The following SLC16A7 variants were observed in gnomAD, a reference collection of about 807,000 sequenced individuals.
SLC16A7 encodes the protein monocarboxylate transporter 2.
SLC16A7 carries 33 observed loss-of-function variants against 34.9 expected under a neutral mutation model. The observed-to-expected ratio is 0.94, with a 90% confidence interval of 0.72 to 1.26. SLC16A7 has a LOEUF of 1.26. Ranked by LOEUF, SLC16A7 falls within the 50% of genes most tolerant of loss-of-function variation. The pLI is 0.00. For missense variants in SLC16A7, 573 were observed against 578.1 expected (o/e 0.99, Z 0.09); for synonymous variants, 201 against 206.6 (o/e 0.97, Z 0.23).
chr12:59,779,746 T>C lies in SLC16A7; in HGVS notation c.*67T>C. On this transcript the variant is annotated 3_prime_UTR_variant, in exon 6 of 6. Coordinates refer to ENST00000547379, the MANE Select transcript of SLC16A7 (RefSeq NM_001270623.2). ...AGGAGTTTGTTTTTCATTTTGTTTT[T>C]TTAAAGTATTAGAAAAGGTTTTAGC... The C allele has an allele frequency of 7.5e-7, 1 of 1,326,602 alleles. No individual in the cohort carries two copies. Among genetic ancestry groups the C allele is most frequent in the Non-Finnish European group, 1.0e-6 (1 of 970,458 alleles). The allele number at this position is 1,326,602 out of a possible 1,614,324, so 82.2% of individuals were successfully genotyped here. A position where few individuals can be genotyped will look rare whatever the true frequency, so the allele number is the denominator to read the frequency against.
chr12:59,762,806 G>C (rs1881158800), intron 3 of SLC16A7, among the ~76,000 whole-genome samples: 1 of 143,244 alleles, frequency 7.0e-6, no homozygotes, highest in Non-Finnish European at 1.5e-5. Context: ...TCAGCATAAT[G>C]AGACCACATC....
At chr12:59,770,991 A>G (rs1882167735) in intron 3 of SLC16A7, among the ~76,000 whole-genome samples, 1 of 150,238 alleles carries the variant, frequency 6.7e-6, no homozygotes, top group South Asian at 2.1e-4. Flanking sequence ...TATGTTCAAC[A>G]CTTCTAATTT....
intron 2 of SLC16A7, among the ~76,000 whole-genome samples, chr12:59,685,622 C>T (rs956768156): frequency 2.0e-5 from 3 of 151,966 alleles, no homozygotes; most frequent in Admixed American, 1.3e-4. Context: ...ACCTGCTAGT[C>T]GTATAGTATA....
At chr12:59,765,158 C>T (rs894896249) in intron 3 of SLC16A7, among the ~76,000 whole-genome samples, 35 of 152,186 alleles carry the variant, frequency 2.3e-4, no homozygotes, top group South Asian at 8.3e-4. Flanking sequence ...TCATATCCTT[C>T]GCCCACTTTT....
Position 59,779,656 on chromosome 12 carries a change from T to G in SLC16A7, c.1414T>G (p.Ser472Ala). The G allele has an allele frequency of 1.2e-6, 2 of 1,609,284 alleles. No individual in the cohort carries two copies. The highest frequency in any genetic ancestry group is 1.7e-6 in the Non-Finnish European group (2 of 1,177,126). The change falls in exon 6 of 6, where the codon TCA becomes GCA. Residue 472 changes from serine (S) to alanine (A), a missense_variant. Physicochemically the swap from Ser to Ala is moderately conservative, Grantham distance 99. Coordinates refer to ENST00000547379, the MANE Select transcript of SLC16A7 (RefSeq NM_001270623.2). ...VKVSNAQSVTSERETNI is the reference protein window; with the variant it reads ...VKVSNAQSVTAERETNI The stretch of plus-strand genomic sequence containing the variant: ...AGTTTCAAATGCACAGAGTGTAACC[T>G]CAGAAAGAGAAACTAACATTTAACA...
At chr12:59,736,989 C>G (rs913627193) in intron 3 of SLC16A7, among the ~76,000 whole-genome samples, 1 of 152,218 alleles carries the variant, frequency 6.6e-6, no homozygotes, top group Non-Finnish European at 1.5e-5. Context: ...CTGAGGTCTT[C>G]TCTGACTGAC....
intron 3 of SLC16A7, among the ~76,000 whole-genome samples, chr12:59,758,379 C>T (rs1186538186): frequency 6.6e-6 from 1 of 151,974 alleles, no homozygotes; most frequent in Non-Finnish European, 1.5e-5. Context: ...ACTTCCTCTA[C>T]AAAGGAAGAT....
chr12:59,603,989 A>T (rs1247099329), intron 1 of SLC16A7, among the ~76,000 whole-genome samples: 1 of 152,206 alleles, frequency 6.6e-6, no homozygotes, highest in East Asian at 1.9e-4. Context: ...TTTGAATGAC[A>T]TACTCTACCA....
chr12:59,714,547 C>T (rs1030779442), intron 3 of SLC16A7, among the ~76,000 whole-genome samples: 1 of 149,072 alleles, frequency 6.7e-6, no homozygotes, highest in East Asian at 2.0e-4. Context: ...CCCCTGGTGT[C>T]TTTCTCTCTC....
At chr12:59,756,429 A>G (rs1880354819) in intron 3 of SLC16A7, among the ~76,000 whole-genome samples, 1 of 151,906 alleles carries the variant, frequency 6.6e-6, no homozygotes, top group South Asian at 2.1e-4. Flanking sequence ...AAACAACCCC[A>G]TCAAAAAGTG....
In SLC16A7 at chr12:59,783,653, C is replaced by CTTTCT. The variant is rs1555185047; in HGVS notation, c.*3977_*3978insCTTTT. 2.8e-5 allele frequency: 4 copies of CTTTCT among 140,594 alleles called. 1 individual carries two copies. The highest frequency in any genetic ancestry group is 7.5e-3 in the Middle Eastern group (2 of 268). The allele number at this position is 140,594 out of a possible 1,614,324, so 8.7% of individuals were successfully genotyped here. ...GAATATGTAATTTCTTTCTTTCTTT[C>CTTTCT]TTTTTTTTTTTTTTTGAGACTGAGT... On this transcript the variant is annotated 3_prime_UTR_variant, in exon 6 of 6. Coordinates refer to ENST00000547379, the MANE Select transcript of SLC16A7 (RefSeq NM_001270623.2).
chr12:59,724,458 T>C (rs2137216425), intron 3 of SLC16A7, among the ~76,000 whole-genome samples: 1 of 152,096 alleles, frequency 6.6e-6, no homozygotes, highest in South Asian at 2.1e-4. Flanking sequence ...TAATCTGCTG[T>C]ATTACTTCAA....
rs1243990475 is a variant in SLC16A7, at chr12:59,789,756, T to C, written c.*10077T>C. ...CAGGTCTGTGCTGTTTCTTAGAAAG[T>C]ACATGCATATATATTTCTATAATAT... On this transcript the variant is annotated 3_prime_UTR_variant, in exon 6 of 6. Transcript: ENST00000547379. 6.6e-6 allele frequency: 1 copy of C among 152,120 alleles called. No homozygotes were observed. Among genetic ancestry groups the C allele is most frequent in the Non-Finnish European group, 1.5e-5 (1 of 68,002 alleles). 9.4% of individuals were successfully genotyped at this position (152,120 alleles called of 1,614,324 possible).
chr12:59,712,807 T>C (rs915722278), intron 3 of SLC16A7, among the ~76,000 whole-genome samples: 2 of 152,124 alleles, frequency 1.3e-5, no homozygotes, highest in African/African-American at 4.8e-5. Context: ...GTCAGCATCA[T>C]AGCTTGGTTT....
intron 2 of SLC16A7, among the ~76,000 whole-genome samples, chr12:59,663,290 TAATA>T (rs1178447548): frequency 1.3e-5 from 2 of 151,978 alleles, no homozygotes; most frequent in African/African-American, 4.8e-5. Flanking sequence ...ATTCTTGATG[TAATA>T]AATAACATTA....
At position 59,655,171 on chromosome 12, in the gene SLC16A7, A is replaced by G. The variant is rs1044013133; in HGVS notation, c.-110A>G. On this transcript the variant is annotated 5_prime_UTR_variant, in exon 2 of 6. An upstream open reading frame in the 5' UTR loses its in-frame stop. Transcript: ENST00000547379. ...TTCTAGGAGTCAATCTTAAGATGTG[A>G]TACTTTCCTGTGAAACCTGAAACAA... The G allele has an allele frequency of 2.0e-5, 3 of 151,918 alleles. No individual in the cohort carries two copies. Among genetic ancestry groups the G allele is most frequent in the South Asian group, 2.1e-4 (1 of 4,824 alleles). The allele number at this position is 151,918 out of a possible 1,614,324, so 9.4% of individuals were successfully genotyped here. A position where few individuals can be genotyped will look rare whatever the true frequency, so the allele number is the denominator to read the frequency against.
chr12:59,752,217 C>A (rs1008569239), intron 3 of SLC16A7, among the ~76,000 whole-genome samples: 11 of 152,122 alleles, frequency 7.2e-5, no homozygotes, highest in Admixed American at 2.0e-4. Context: ...TCCAAAGGAA[C>A]GCAGCTCCTC....
At chr12:59,654,737 A>G (rs1868449129) in intron 1 of SLC16A7, among the ~76,000 whole-genome samples, 1 of 151,790 alleles carries the variant, frequency 6.6e-6, no homozygotes, top group African/African-American at 2.4e-5. Context: ...TTTTGTACCA[A>G]AAATGGAGAG....
chr12:59,722,517 C>T (rs531597915), intron 3 of SLC16A7, among the ~76,000 whole-genome samples: 29 of 151,982 alleles, frequency 1.9e-4, no homozygotes, highest in Admixed American at 5.9e-4. Context: ...TCTCCCTGAA[C>T]CTGTCTTCTG....
Sources: allele counts gnomAD v4.1 joint callset (sites outside exome capture counted in the v4.1 genomes callset), GRCh38; gene constraint gnomAD v4.1.1; transcripts MANE v1.5; gene names NCBI Gene and HGNC (gene_info 2026-07-23, HGNC 2026-07-21).